The following TAFA4 variants were observed in gnomAD, a reference collection of about 807,000 sequenced individuals.
TAFA4 encodes the protein TAFA chemokine like family member 4, also known as chemokine-like protein TAFA-4.
A neutral mutation model predicts 21.1 loss-of-function variants in TAFA4; 20 were observed. That is an observed-to-expected ratio of 0.95 (90% CI 0.67 to 1.38). The LOEUF (loss-of-function observed/expected upper bound fraction) is 1.38. Among genes scored for constraint, TAFA4 ranks in the 40% most tolerant of loss-of-function variants. TAFA4 has a pLI of 0.00. For synonymous variants in TAFA4, 71 were observed against 67.4 expected, an observed-to-expected ratio of 1.05 and a Z score of -0.26; for missense variants, 211 against 180.9, an observed-to-expected ratio of 1.17 and a Z score of -0.95.
rs1267022566 is a variant in TAFA4 at position 68,820,973 on chromosome 3, G to A, written c.130+59757C>T. ...AGGAATTACAAACTGTGTTTATGCTGTACCACAAGGTGGTACCAAATGATG... is the reference window on the plus strand; with the variant it reads ...AGGAATTACAAACTGTGTTTATGCTATACCACAAGGTGGTACCAAATGATG... On this transcript the variant is annotated intron_variant, in intron 3 of 5. Transcript: ENST00000295569. Among the ~76,000 whole-genome samples, 3 of 152,318 alleles carry A rather than the reference G, an allele frequency of 2.0e-5. No individual in the cohort carries two copies. In the East Asian group the frequency reaches 5.8e-4, roughly 29 times the overall value.
At chr3:68,818,652 G>A (rs1334898381) in intron 3 of TAFA4, among the ~76,000 whole-genome samples, 2 of 152,170 alleles carry the variant, frequency 1.3e-5, no homozygotes, top group African/African-American at 4.8e-5. Flanking sequence ...GTGTCTCAGG[G>A]AATAGGAAGG....
intron 3 of TAFA4, among the ~76,000 whole-genome samples, chr3:68,768,400 C>T (rs1180097458): frequency 6.6e-6 from 1 of 152,106 alleles, no homozygotes; most frequent in East Asian, 1.9e-4. Flanking sequence ...CACAATGAGA[C>T]ATCACCTCAC....
chr3:68,815,788 A>G (rs768326064), intron 3 of TAFA4, among the ~76,000 whole-genome samples: 2 of 152,202 alleles, frequency 1.3e-5, no homozygotes, highest in Non-Finnish European at 2.9e-5. Flanking sequence ...TAGAAATACC[A>G]TTTGACCCAG....
intron 3 of TAFA4, among the ~76,000 whole-genome samples, chr3:68,863,944 C>T (rs1037350411): frequency 6.6e-5 from 10 of 151,990 alleles, no homozygotes; most frequent in Non-Finnish European, 2.9e-5. Context: ...GTTTTATATA[C>T]AAAAATTAAC....
intron 3 of TAFA4, among the ~76,000 whole-genome samples, chr3:68,785,968 G>A (rs1001381172): frequency 2.6e-5 from 4 of 152,192 alleles, no homozygotes; most frequent in African/African-American, 9.7e-5. Flanking sequence ...GTACAAGGCC[G>A]TTCAGTACTC....
At chr3:68,927,054 C>CA (rs1241407818) in intron 1 of TAFA4, among the ~76,000 whole-genome samples, 1 of 152,144 alleles carries the variant, frequency 6.6e-6, no homozygotes, top group Non-Finnish European at 1.5e-5. Context: ...TTGTAACAAT[C>CA]AAAAAAATGT....
intron 3 of TAFA4, among the ~76,000 whole-genome samples, chr3:68,827,020 C>T (rs916734330): frequency 5.9e-5 from 9 of 151,856 alleles, no homozygotes; most frequent in African/African-American, 1.2e-4. Context: ...TTTCTCCTAA[C>T]GCTATCCCTC....
intron 3 of TAFA4, among the ~76,000 whole-genome samples, chr3:68,813,769 C>G (rs1055776626): frequency 2.0e-5 from 3 of 152,210 alleles, no homozygotes; most frequent in Non-Finnish European, 4.4e-5. Context: ...CCTTCTGAAA[C>G]TATTCCAATC....
chr3:68,895,697 G>C (rs774820930), intron 1 of TAFA4, among the ~76,000 whole-genome samples: 2 of 152,112 alleles, frequency 1.3e-5, no homozygotes, highest in South Asian at 2.1e-4. Flanking sequence ...AATTCAACAA[G>C]GATTTTTTTT....
At chr3:68,750,964 A>G (rs540133063) in intron 4 of TAFA4, among the ~76,000 whole-genome samples, 1 of 152,198 alleles carries the variant, frequency 6.6e-6, no homozygotes, top group Non-Finnish European at 1.5e-5. Context: ...ACTGGAAGGC[A>G]TACGTTTTTA....
chr3:68,878,144 A>G (rs539903696), intron 3 of TAFA4, among the ~76,000 whole-genome samples: 1 of 152,284 alleles, frequency 6.6e-6, no homozygotes, highest in Admixed American at 6.5e-5. Context: ...GATTTTATTA[A>G]ATAGTCACCA....
chr3:68,876,765 C>G (rs2089554033), intron 3 of TAFA4, among the ~76,000 whole-genome samples: 1 of 151,892 alleles, frequency 6.6e-6, no homozygotes, highest in Non-Finnish European at 1.5e-5. Flanking sequence ...CCTAAATTTC[C>G]ATAAATTTGA....
intron 3 of TAFA4, among the ~76,000 whole-genome samples, chr3:68,877,006 AAAG>A (rs2089556578): frequency 6.6e-6 from 1 of 152,142 alleles, no homozygotes; most frequent in Admixed American, 6.5e-5. Context: ...CCCAAGAATG[AAAG>A]AAGAACTGAA....
At chr3:68,921,071 T>G (rs1449335543) in intron 1 of TAFA4, among the ~76,000 whole-genome samples, 1 of 152,018 alleles carries the variant, frequency 6.6e-6, no homozygotes, top group African/African-American at 2.4e-5. Flanking sequence ...TGGGCAGAGA[T>G]GACCAATGTG....
At chr3:68,924,101 T>C (rs2090084636) in intron 1 of TAFA4, among the ~76,000 whole-genome samples, 2 of 152,088 alleles carry the variant, frequency 1.3e-5, no homozygotes, top group South Asian at 2.1e-4. Context: ...AGAATTATCA[T>C]CCAATCCAGC....
chr3:68,791,950 G>C (rs1193466460), intron 3 of TAFA4, among the ~76,000 whole-genome samples: 1 of 152,130 alleles, frequency 6.6e-6, no homozygotes, highest in Admixed American at 6.5e-5. Context: ...CTGCTCTCAG[G>C]CATACTCCTG....
intron 1 of TAFA4, among the ~76,000 whole-genome samples, chr3:68,898,069 G>A (rs1423023561): frequency 3.3e-5 from 5 of 152,176 alleles, no homozygotes; most frequent in Non-Finnish European, 7.4e-5. Context: ...GTGGCACAGG[G>A]AAGTGAGTGC....
chr3:68,907,639 AG>A (rs1195597767), intron 1 of TAFA4, among the ~76,000 whole-genome samples: 2 of 152,170 alleles, frequency 1.3e-5, no homozygotes, highest in Non-Finnish European at 2.9e-5. Flanking sequence ...ACACTGTTTC[AG>A]GGAAGTGAGA....
intron 3 of TAFA4, among the ~76,000 whole-genome samples, chr3:68,799,864 T>A (rs1049405991): frequency 6.6e-6 from 1 of 152,126 alleles, no homozygotes; most frequent in African/African-American, 2.4e-5. Flanking sequence ...CATCTGTATT[T>A]ACAGCCGCTC....
Sources: allele counts gnomAD v4.1 joint callset (sites outside exome capture counted in the v4.1 genomes callset), GRCh38; gene constraint gnomAD v4.1.1; transcripts MANE v1.5; gene names NCBI Gene and HGNC (gene_info 2026-07-23, HGNC 2026-07-21).